The following SETD5 variants were observed in gnomAD, a reference collection of about 807,000 sequenced individuals.
SETD5 encodes SET domain containing 5.
A neutral mutation model predicts 153.3 loss-of-function variants in SETD5; 44 were observed. The observed-to-expected ratio is 0.29, with a 90% CI of 0.23 to 0.37. The LOEUF (loss-of-function observed/expected upper bound fraction) is 0.37, where lower values mean the gene tolerates loss of function less well. Among genes scored for constraint, SETD5 ranks in the 10% least tolerant of loss-of-function variants. The probability of loss-of-function intolerance (pLI) is 1.00; values close to 1 mark genes in which losing one functional copy is unlikely to be tolerated. For missense variants in SETD5, 1,544 were observed against 1,768.0 expected (o/e 0.87, Z 2.27); for synonymous variants, 716 against 645.2 (o/e 1.11, Z -1.66).
chr3:9,445,890 A>AT (rs576772544), intron 13 of SETD5, 150 bp downstream of exon 13: 76 of 369,014 alleles, frequency 2.1e-4, no homozygotes, highest in African/African-American at 1.7e-3. Flanking sequence ...TTTTATTATA[A>AT]TTTTTTTATT....
At chr3:9,461,073 T>C (rs1224782689) in intron 17 of SETD5, among the ~76,000 whole-genome samples, 2 of 152,104 alleles carry the variant, frequency 1.3e-5, no homozygotes, top group Non-Finnish European at 2.9e-5. Flanking sequence ...GGGGTCAACA[T>C]TCTTACTATT....
chr3:9,412,397 T>G (rs952271176), intron 1 of SETD5, among the ~76,000 whole-genome samples: 3 of 139,190 alleles, frequency 2.2e-5, no homozygotes, highest in Non-Finnish European at 4.7e-5. Context: ...GTTTTTTTTT[T>G]TTTTTTTTTT....
chr3:9,400,356 G>C (rs1333234843), intron 1 of SETD5, among the ~76,000 whole-genome samples: 1 of 152,074 alleles, frequency 6.6e-6, no homozygotes, highest in Admixed American at 6.5e-5. Flanking sequence ...ATAATTTTAA[G>C]AATCTTTCTG....
intron 2 of SETD5, 120 bp downstream of exon 2, chr3:9,424,646 C>T (rs1490814059): frequency 2.0e-5 from 3 of 152,162 alleles, no homozygotes; most frequent in Admixed American, 2.0e-4. Context: ...TCTGGAACTT[C>T]TCTACGTGTC....
chr3:9,465,171 T>C (rs769249264), intron 18 of SETD5, among the ~76,000 whole-genome samples: 3 of 152,236 alleles, frequency 2.0e-5, no homozygotes, highest in Non-Finnish European at 2.9e-5. Context: ...GTATGGCTTA[T>C]GGCGAATGTG....
chr3:9,464,474 G>C lies in SETD5; in HGVS notation c.2526G>C (p.Gln842His). The C allele has an allele frequency of 6.2e-7, 1 of 1,613,958 alleles. No homozygotes were observed. Among genetic ancestry groups the C allele is most frequent in the Non-Finnish European group, 8.5e-7 (1 of 1,179,834 alleles). The stretch of plus-strand genomic sequence containing the variant: ...GGAAGTCTCGCTATCTGATGGAGCA[G>C]AATGTCACCAAGTTACTTCGGCCTC... ...KKWKSRYLME[Q>H]NVTKLLRPLS... is the part of the protein sequence containing the mutation. The change falls in exon 18 of 23, where the codon CAG (glutamine) becomes CAC (histidine). Residue 842 changes from glutamine to histidine, a missense_variant. By Grantham distance (24) the Gln-to-His change is conservative (BLOSUM62 0). Coordinates refer to ENST00000402198, the MANE Select transcript of SETD5 (RefSeq NM_001080517.3).
chr3:9,475,656 C>A lies in SETD5; in HGVS notation c.3894C>A (p.Ser1298=), dbSNP rs535076039. 1.3e-4 allele frequency: 209 copies of A among 1,614,028 alleles called. 2 individuals are homozygous for A. In the South Asian group the frequency reaches 2.2e-3, roughly 17 times the overall value. The change falls in exon 23 of 23, where the codon TCC becomes TCA. Residue 1298 remains serine (S), a synonymous_variant. Coordinates refer to ENST00000402198, the MANE Select transcript of SETD5 (RefSeq NM_001080517.3). ...CAGAATCATCCCTCTCTTCCACGTC[C>A]TATTCCAGCCCCGCCCACCCTGTGT... ...GSSESSLSST[S]YSSPAHPVST...
intron 7 of SETD5, chr3:9,437,022 G>C (rs2040648518): frequency 1.4e-6 from 1 of 731,992 alleles, no homozygotes; most frequent in Admixed American, 3.3e-5. Context: ...TTGCCATTCA[G>C]TTTTCATAGA....
chr3:9,433,269 G>T (rs1205901446), intron 3 of SETD5: 4 of 751,100 alleles, frequency 5.3e-6, no homozygotes, highest in Non-Finnish European at 7.6e-6. Flanking sequence ...ATTGGTGGAT[G>T]AGAAATTATT....
intron 1 of SETD5, among the ~76,000 whole-genome samples, chr3:9,403,632 T>C (rs556447648): frequency 1.6e-4 from 24 of 152,348 alleles, no homozygotes; most frequent in African/African-American, 5.3e-4. Flanking sequence ...GAGAACCTGA[T>C]ATTTCCTGGA....
chr3:9,434,179 A>G lies in SETD5; in HGVS notation c.178-155A>G, dbSNP rs761492436. ...TTTCCTGGTTGAAGCCAAAAAACAA[A>G]GGGTACTACTTTCTTCTTTCTTTCC... On this transcript the variant is annotated intron_variant, in intron 4 of 22. Coordinates refer to ENST00000402198, the MANE Select transcript of SETD5 (RefSeq NM_001080517.3). The surrounding 1 kb of genome is among the most constrained non-coding windows in gnomAD (Gnocchi z 5.6). The G allele has an allele frequency of 1.3e-6, 2 of 1,549,774 alleles. No individual in the cohort carries two copies. Among genetic ancestry groups the G allele is most frequent in the Non-Finnish European group, 1.7e-6 (2 of 1,145,780 alleles).
At chr3:9,417,417 G>C (rs1019361799) in intron 1 of SETD5, among the ~76,000 whole-genome samples, 21 of 151,866 alleles carry the variant, frequency 1.4e-4, no homozygotes, top group Non-Finnish European at 7.4e-5. Context: ...AAGTGATTTT[G>C]TTCCTATGAT....
chr3:9,460,731 T>A (rs1265226028), intron 17 of SETD5, among the ~76,000 whole-genome samples: 2 of 152,172 alleles, frequency 1.3e-5, no homozygotes, highest in African/African-American at 2.4e-5. Context: ...TGGAAGAAGG[T>A]GCTGGCTATT....
At chr3:9,463,947 G>A (rs540674589) in intron 17 of SETD5, among the ~76,000 whole-genome samples, 3 of 152,230 alleles carry the variant, frequency 2.0e-5, no homozygotes, top group Non-Finnish European at 4.4e-5. Flanking sequence ...GGCAAACGTG[G>A]TGAAATGCCA....
chr3:9,438,275 T>G (rs2040834096), intron 7 of SETD5, among the ~76,000 whole-genome samples: 1 of 152,198 alleles, frequency 6.6e-6, no homozygotes, highest in Admixed American at 6.5e-5. Flanking sequence ...CCAAGTTTGC[T>G]TTAGCTTCCC....
At chr3:9,408,499 A>G (rs2036071218) in intron 1 of SETD5, among the ~76,000 whole-genome samples, 1 of 152,188 alleles carries the variant, frequency 6.6e-6, no homozygotes, top group African/African-American at 2.4e-5. Context: ...TTGAGTCTTT[A>G]TAGATTCTGT....
At chr3:9,459,155 G>A (rs1348698700) in intron 17 of SETD5, among the ~76,000 whole-genome samples, 1 of 152,100 alleles carries the variant, frequency 6.6e-6, no homozygotes, top group Non-Finnish European at 1.5e-5. Flanking sequence ...TGAACATGGC[G>A]GGTGAGACGA....
Position 9,476,009 on chromosome 3 carries a change from A to T in SETD5, c.4247A>T (p.His1416Leu). The T allele has an allele frequency of 6.2e-7, 1 of 1,613,868 alleles. No individual in the cohort carries two copies. Among genetic ancestry groups the T allele is most frequent in the Non-Finnish European group, 8.5e-7 (1 of 1,179,856 alleles). The change falls in exon 23 of 23, where the codon CAC becomes CTC. Residue 1416 changes from histidine to leucine, a missense_variant. His to Leu is a moderately conservative substitution (Grantham distance 99). This residue lies in a region of SETD5 where 302 missense variants were observed against 277.6 expected (regional missense o/e 1.09). Transcript: ENST00000402198. Reference protein sequence around the residue: ...SAVSNSQHYPHRGSGGVHQYR... With the variant: ...SAVSNSQHYPLRGSGGVHQYR... ...GTTTCCAATTCACAGCACTACCCAC[A>T]CCGTGGGAGTGGGGGTGTGCACCAG...
Position 9,448,004 on chromosome 3 carries a change from A to C in SETD5, c.2101A>C (p.Lys701Gln). ...RAASKYPKTK[K>Q]YLVTEWLNDK... is the part of the protein sequence containing the mutation. The stretch of plus-strand genomic sequence containing the variant: ...TGCATCTAAATACCCCAAAACCAAA[A>C]AGGTAAGTCACAAATGCATCCTTTA... Residue 701 changes from lysine (K) to glutamine (Q), a missense_variant and splice_region_variant, in exon 15 of 23, where the codon AAG (lysine) becomes CAG (glutamine). Lys to Gln is a moderately conservative substitution (Grantham distance 53). Transcript: ENST00000402198. 1 of 1,610,800 alleles carries C rather than the reference A, an allele frequency of 6.2e-7. No homozygotes were observed. The highest frequency in any genetic ancestry group is 8.5e-7 in the Non-Finnish European group (1 of 1,177,602).
Sources: gnomAD v4.1 joint callset for allele counts (sites outside exome capture counted in the v4.1 genomes callset) on GRCh38, gnomAD v4.1.1 for gene constraint, gnomAD v4.1.1 regional missense constraint, Gnocchi (gnomAD v3.1) non-coding constraint, MANE v1.5 for transcripts, NCBI Gene and HGNC (gene_info 2026-07-23, HGNC 2026-07-21) for gene names.